SLC45A4: variants seen among roughly 807,000 people sequenced by gnomAD.
The protein encoded by SLC45A4 is polyamine-transporter SLC45A4.
In SLC45A4, 32 loss-of-function variants were observed where a neutral mutation model predicts 63.7. That is an observed-to-expected ratio of 0.50 (90% CI 0.38 to 0.67). The LOEUF (loss-of-function observed/expected upper bound fraction) is 0.67, where lower values mean the gene tolerates loss of function less well. Among genes scored for constraint, SLC45A4 ranks in the 30% least tolerant of loss-of-function variants. The pLI, the probability that SLC45A4 is intolerant of heterozygous loss-of-function variation, is 0.00. For synonymous variants in SLC45A4, 535 were observed against 510.0 expected, an observed-to-expected ratio of 1.05 and a Z score of -0.66; for missense variants, 1,027 against 1,157.7, an observed-to-expected ratio of 0.89 and a Z score of 1.64.
intron 1 of SLC45A4, among the ~76,000 whole-genome samples, chr8:141,269,566 G>C (rs887148589): frequency 6.6e-6 from 1 of 151,410 alleles, no homozygotes; most frequent in African/African-American, 2.4e-5. Context: ...GTGTGTCAAT[G>C]TCTGCCTATG....
intron 1 of SLC45A4, among the ~76,000 whole-genome samples, chr8:141,257,053 C>A (rs1828830126): frequency 6.6e-6 from 1 of 152,150 alleles, no homozygotes; most frequent in Non-Finnish European, 1.5e-5. Flanking sequence ...AGGGTTTCAC[C>A]ATGTTGGCCA....
chr8:141,300,872 T>C (rs995433568), intron 1 of SLC45A4, among the ~76,000 whole-genome samples: 11 of 152,232 alleles, frequency 7.2e-5, no homozygotes, highest in South Asian at 2.1e-4. Context: ...GGCAATTAAA[T>C]AGTAAAGCTT....
At chr8:141,290,607 C>T (rs1007336545) in intron 1 of SLC45A4, among the ~76,000 whole-genome samples, 2 of 152,216 alleles carry the variant, frequency 1.3e-5, no homozygotes, top group Non-Finnish European at 2.9e-5. Context: ...ACAACCCAGG[C>T]GTGAGGACAG....
At chr8:141,246,263 T>C (rs1432092889) in intron 2 of SLC45A4, among the ~76,000 whole-genome samples, 1 of 152,198 alleles carries the variant, frequency 6.6e-6, no homozygotes, top group Admixed American at 6.5e-5. Flanking sequence ...ACTGGTTTCC[T>C]GCTGCTGCGT....
At chr8:141,257,436 C>T (rs1828846060) in intron 1 of SLC45A4, among the ~76,000 whole-genome samples, 1 of 152,204 alleles carries the variant, frequency 6.6e-6, no homozygotes, top group South Asian at 2.1e-4. Flanking sequence ...GGGTTTTGGG[C>T]AGGAACAAAA....
In SLC45A4 at chr8:141,215,881, C is replaced by G. The variant is rs768695810; in HGVS notation, c.1819G>C (p.Val607Leu). The G allele has an allele frequency of 2.5e-6, 4 of 1,614,036 alleles. No individual in the cohort carries two copies. The Admixed American group carries it at 6.7e-5, about 27-fold the overall frequency. ...TAGACGTTGGGAAACATGGCCATCA[C>G]GGCTGTGCCGACAGAGAAGCCCAGC... ...GTLGFSVGTA[V>L]MAMFPNVYVA... Residue 607 changes from valine to leucine, a missense_variant, in exon 7 of 9, where the codon GTG becomes CTG. Coordinates refer to ENST00000517878, the MANE Select transcript of SLC45A4 (RefSeq NM_001286646.2). This position sits in a 1 kb window ranked among gnomAD's most constrained non-coding sequence, Gnocchi z 4.3.
chr8:141,241,727 G>A (rs1016134313), intron 2 of SLC45A4, among the ~76,000 whole-genome samples: 5 of 152,072 alleles, frequency 3.3e-5, no homozygotes, highest in African/African-American at 1.2e-4. Context: ...AGAGGTCTGG[G>A]CACCCCCACT....
chr8:141,298,013 C>T (rs1442531581), intron 1 of SLC45A4, among the ~76,000 whole-genome samples: 3 of 117,754 alleles, frequency 2.5e-5, no homozygotes, highest in East Asian at 2.6e-4. Flanking sequence ...TGGGCCACAG[C>T]GCTGCCCGGG....
chr8:141,295,496 C>T (rs911098592), intron 1 of SLC45A4, among the ~76,000 whole-genome samples: 13 of 152,208 alleles, frequency 8.5e-5, no homozygotes, highest in Admixed American at 5.9e-4. Flanking sequence ...CAGGAACTAC[C>T]GCACTCAGCA....
rs188435473 is a variant in SLC45A4 at position 141,245,403 on chromosome 8, A to G, written c.241+8586T>C. On this transcript the variant is annotated intron_variant, in intron 2 of 8. Transcript: ENST00000517878. ...AGAAACCAGAAACAGGACTTGAATC[A>G]TCATCATAAAGGAAAGTGTTAATTC... Among the ~76,000 whole-genome samples, 3 of 152,324 alleles carry G rather than the reference A, an allele frequency of 2.0e-5. No individual in the cohort carries two copies. The East Asian group carries it at 5.8e-4, about 29-fold the overall frequency.
At chr8:141,282,262 C>G (rs529014189) in intron 1 of SLC45A4, among the ~76,000 whole-genome samples, 3 of 152,214 alleles carry the variant, frequency 2.0e-5, no homozygotes, top group Admixed American at 2.0e-4. Flanking sequence ...GACAATGACA[C>G]GTGAGCAGAG....
intron 1 of SLC45A4, among the ~76,000 whole-genome samples, chr8:141,267,647 G>A (rs1829330056): frequency 6.6e-6 from 1 of 151,858 alleles, no homozygotes; most frequent in African/African-American, 2.4e-5. Flanking sequence ...TTGCTATATG[G>A]GGGAAAAGAT....
At chr8:141,237,300 T>C (rs541272680) in intron 2 of SLC45A4, among the ~76,000 whole-genome samples, 1 of 152,202 alleles carries the variant, frequency 6.6e-6, no homozygotes, top group East Asian at 1.9e-4. Context: ...GAAACACCAC[T>C]CTGCACTGAG....
chr8:141,259,720 G>A (rs1261985040), intron 1 of SLC45A4, among the ~76,000 whole-genome samples: 2 of 152,128 alleles, frequency 1.3e-5, no homozygotes, highest in African/African-American at 2.4e-5. Flanking sequence ...GCCCCCTCAA[G>A]AGACCCTCAT....
rs1012209798 is a variant in SLC45A4 at position 141,256,193 on chromosome 8, G to A, written c.-400-1564C>T. Among the ~76,000 whole-genome samples the A allele has an allele frequency of 1.1e-4, 16 of 152,170 alleles. No individual in the cohort carries two copies. Among genetic ancestry groups the A allele is most frequent in the African/African-American group, 3.9e-4 (16 of 41,438 alleles). On this transcript the variant is annotated intron_variant, in intron 1 of 8. Coordinates refer to ENST00000517878, the MANE Select transcript of SLC45A4 (RefSeq NM_001286646.2). The surrounding 1 kb of genome is among the most constrained non-coding windows in gnomAD (Gnocchi z 4.3). ...TCTCTCCTCAGGTAAGATAAGATCG[G>A]GGATGTGGAACACCCCAAGTTCAGG...
In SLC45A4 at chr8:141,240,931, T is replaced by C. The variant is rs539087358; in HGVS notation, c.241+13058A>G. On this transcript the variant is annotated intron_variant, in intron 2 of 8. Coordinates refer to ENST00000517878, the MANE Select transcript of SLC45A4 (RefSeq NM_001286646.2). ...CTCCAGACCGTCCTGTGAGGGCAGC[T>C]GGGGGCAGCCGCCCGGATCCATGGG... Among the ~76,000 whole-genome samples the C allele has an allele frequency of 1.6e-4, 24 of 152,302 alleles. No homozygotes were observed. The East Asian group carries it at 4.4e-3, about 28-fold the overall frequency.
At position 141,218,249 on chromosome 8, in the gene SLC45A4, C is replaced by G; in HGVS notation, c.1391G>C (p.Arg464Pro). 1.2e-6 allele frequency: 2 copies of G among 1,602,218 alleles called. No individual in the cohort carries two copies. Among genetic ancestry groups the G allele is most frequent in the Non-Finnish European group, 1.7e-6 (2 of 1,179,638 alleles). The change falls in exon 5 of 9, where the codon CGG becomes CCG. Residue 464 changes from arginine to proline, a missense_variant. Arg to Pro is a moderately radical substitution (Grantham distance 103). Coordinates refer to ENST00000517878, the MANE Select transcript of SLC45A4 (RefSeq NM_001286646.2). ...GTTCCGGTGCCGGTGCTGCCGCTGCCGCTTCTGCATGTCGTACAGGTCGCT... is the reference window on the plus strand; with the variant it reads ...GTTCCGGTGCCGGTGCTGCCGCTGCGGCTTCTGCATGTCGTACAGGTCGCT... ...SMSDLYDMQK[R>P]QRQHRHRNQS...
rs1392733316 is a variant in SLC45A4 at position 141,211,613 on chromosome 8, A to T, written c.2386T>A (p.Phe796Ile). 1 of 1,612,634 alleles carries T rather than the reference A, an allele frequency of 6.2e-7. No homozygotes were observed. Residue 796 changes from phenylalanine (F) to isoleucine (I), a missense_variant, in exon 9 of 9, where the codon TTT (phenylalanine) becomes ATT (isoleucine). Transcript: ENST00000517878. ...LLESIFLYDY[F>I]RKKIFFSTMW... The stretch of plus-strand genomic sequence containing the variant: ...GTGGAAAAGAAAATTTTTTTTCTAA[A>T]ATAATCATAAAGAAAAATACTCTCC...
At chr8:141,245,075 GT>G (rs1828118036) in intron 2 of SLC45A4, among the ~76,000 whole-genome samples, 1 of 151,666 alleles carries the variant, frequency 6.6e-6, no homozygotes, top group Non-Finnish European at 1.5e-5. Context: ...CCCTCGACAA[GT>G]TACCACCAAG....
Sources: allele counts gnomAD v4.1 joint callset (sites outside exome capture counted in the v4.1 genomes callset), GRCh38; gene constraint gnomAD v4.1.1; non-coding constraint Gnocchi (gnomAD v3.1); transcripts MANE v1.5; gene names NCBI Gene and HGNC (gene_info 2026-07-23, HGNC 2026-07-21).